RRAS2: variants seen among roughly 807,000 people sequenced by gnomAD.
RRAS2 encodes the protein RAS related 2.
Under a neutral mutation model 27.6 loss-of-function variants are expected in RRAS2, and 7 were observed. That is an observed-to-expected ratio of 0.25 (90% CI 0.14 to 0.48). The LOEUF (loss-of-function observed/expected upper bound fraction) is 0.48, where lower values mean the gene tolerates loss of function less well. Ranked by LOEUF, RRAS2 falls within the 20% of genes least tolerant of loss-of-function variation. The pLI is 0.99. For synonymous variants in RRAS2, 86 were observed against 90.9 expected, an observed-to-expected ratio of 0.95 and a Z score of 0.31; for missense variants, 178 against 256.2, an observed-to-expected ratio of 0.69 and a Z score of 2.08.
chr11:14,300,586 C>T (rs968905674), intron 1 of RRAS2, among the ~76,000 whole-genome samples: 1 of 151,940 alleles, frequency 6.6e-6, no homozygotes, highest in African/African-American at 2.4e-5. Context: ...TTTCCACCCC[C>T]GCCTCAAAAA....
intron 1 of RRAS2, among the ~76,000 whole-genome samples, chr11:14,331,035 G>A (rs1554951809): frequency 6.6e-6 from 1 of 152,160 alleles, no homozygotes; most frequent in African/African-American, 2.4e-5. Flanking sequence ...TGCTGCCTGA[G>A]ACTTCTAAAG....
chr11:14,364,460 C>T (rs1849228616), exon 1 of RRAS2: 1 of 1,486,676 alleles, frequency 6.7e-7, no homozygotes, highest in Non-Finnish European at 9.1e-7. Flanking sequence ...GAATGAATGG[C>T]TGGCAGAGAA....
chr11:14,333,164 TAC>T (rs1338776874), intron 1 of RRAS2, among the ~76,000 whole-genome samples: 1 of 152,160 alleles, frequency 6.6e-6, no homozygotes, highest in African/African-American at 2.4e-5. Context: ...TTTTATAAGC[TAC>T]ACCGATCTGC....
intron 4 of RRAS2, among the ~76,000 whole-genome samples, chr11:14,292,693 T>A (rs1847432361): frequency 6.6e-6 from 1 of 152,196 alleles, no homozygotes; most frequent in Non-Finnish European, 1.5e-5. Flanking sequence ...TGATTTGAAA[T>A]GAAGAACAAA....
At chr11:14,348,475 A>ACTAATTC (rs1848884150) in intron 1 of RRAS2, among the ~76,000 whole-genome samples, 1 of 152,254 alleles carries the variant, frequency 6.6e-6, no homozygotes, top group Non-Finnish European at 1.5e-5. Context: ...AAGGCAACTT[A>ACTAATTC]CTAATTCCAC....
At chr11:14,347,359 T>G (rs1379547297) in intron 1 of RRAS2, among the ~76,000 whole-genome samples, 1 of 152,156 alleles carries the variant, frequency 6.6e-6, no homozygotes, top group Non-Finnish European at 1.5e-5. Flanking sequence ...TTTGAAATCT[T>G]TTAAAAATAC....
At chr11:14,336,283 T>C (rs1848588122) in intron 1 of RRAS2, among the ~76,000 whole-genome samples, 1 of 151,926 alleles carries the variant, frequency 6.6e-6, no homozygotes, top group Admixed American at 6.6e-5. Context: ...AAAAGCCAGC[T>C]AACCCAGTCT....
intron 1 of RRAS2, among the ~76,000 whole-genome samples, chr11:14,340,826 C>T (rs1452062585): frequency 6.6e-6 from 1 of 152,162 alleles, no homozygotes; most frequent in Non-Finnish European, 1.5e-5. Context: ...CCTACCCCTA[C>T]CCATTTCCTC....
upstream of RRAS2, among the ~76,000 whole-genome samples, chr11:14,364,089 G>A (rs971391090): frequency 2.6e-5 from 4 of 152,034 alleles, no homozygotes; most frequent in Non-Finnish European, 4.4e-5. Context: ...ATAAAATAAA[G>A]TGACCCTGAG....
At chr11:14,293,406 G>C (rs1312154709) in intron 4 of RRAS2, among the ~76,000 whole-genome samples, 1 of 151,700 alleles carries the variant, frequency 6.6e-6, no homozygotes, top group Non-Finnish European at 1.5e-5. Flanking sequence ...TTCAGATGTG[G>C]GGTAGAGACA....
chr11:14,356,631 T>C lies in RRAS2; in HGVS notation c.108+2132A>G, dbSNP rs1407748159. The C allele has an allele frequency of 1.9e-5, 6 of 308,008 alleles. No individual in the cohort carries two copies. The East Asian group carries it at 4.7e-4, about 24-fold the overall frequency. 19.1% of individuals were successfully genotyped at this position (308,008 alleles called of 1,614,324 possible). ...TTTAAAAGACACACATGCTCAAGTC[T>C]GTAAGACTCAAGGTTCATACTCTTT... On this transcript the variant is annotated intron_variant, in intron 1 of 5. Transcript: ENST00000256196.
chr11:14,285,916 A>G (rs1253526035), intron 4 of RRAS2, among the ~76,000 whole-genome samples: 2 of 151,980 alleles, frequency 1.3e-5, no homozygotes, highest in East Asian at 1.9e-4. Flanking sequence ...AATGTATCTT[A>G]TAATTTTCTT....
At chr11:14,333,819 G>A (rs1251229204) in intron 1 of RRAS2, among the ~76,000 whole-genome samples, 1 of 152,070 alleles carries the variant, frequency 6.6e-6, no homozygotes, top group Non-Finnish European at 1.5e-5. Context: ...AAATTTTTTA[G>A]AGACGGGTTT....
At chr11:14,314,148 A>G (rs1359404795) in intron 1 of RRAS2, among the ~76,000 whole-genome samples, 1 of 152,244 alleles carries the variant, frequency 6.6e-6, no homozygotes, top group Non-Finnish European at 1.5e-5. Context: ...AAATAACCTG[A>G]TCTTAAATTG....
rs148809632 is a variant in RRAS2 at position 14,318,086 on chromosome 11, G to A, written c.109-22231C>T. 1.8e-4 allele frequency among the ~76,000 whole-genome samples: 28 copies of A among 152,300 alleles called. No individual in the cohort carries two copies. The East Asian group carries it at 5.2e-3, about 28-fold the overall frequency. ...AGGACTAAAGCTGTCCTTTATACAG[G>A]AAAAGGAAACCCTGTCTTCGCAAAA... On this transcript the variant is annotated intron_variant, in intron 1 of 5. Transcript: ENST00000256196.
chr11:14,300,276 G>A (rs953062709), intron 1 of RRAS2, among the ~76,000 whole-genome samples: 1 of 152,194 alleles, frequency 6.6e-6, no homozygotes, highest in African/African-American at 2.4e-5. Context: ...CCGGTAGTAT[G>A]GATGGGCAAA....
chr11:14,291,742 C>T (rs1399894025), intron 4 of RRAS2, among the ~76,000 whole-genome samples: 3 of 151,904 alleles, frequency 2.0e-5, no homozygotes, highest in Non-Finnish European at 4.4e-5. Flanking sequence ...CAAACAAAGC[C>T]AGTGCCACAA....
intron 1 of RRAS2, among the ~76,000 whole-genome samples, chr11:14,313,760 A>T (rs1417899700): frequency 8.5e-5 from 13 of 152,206 alleles, no homozygotes; most frequent in African/African-American, 2.9e-4. Context: ...CATGGAAATG[A>T]TTCTTCCTCA....
At chr11:14,317,010 TTAAAA>T (rs1387452707) in intron 1 of RRAS2, among the ~76,000 whole-genome samples, 9 of 152,166 alleles carry the variant, frequency 5.9e-5, no homozygotes, top group African/African-American at 1.9e-4. Flanking sequence ...TACAGAGGTG[TTAAAA>T]TAAGAAATTT....
Sources: gnomAD v4.1 joint callset for allele counts (sites outside exome capture counted in the v4.1 genomes callset) on GRCh38, gnomAD v4.1.1 for gene constraint, MANE v1.5 for transcripts, NCBI Gene and HGNC (gene_info 2026-07-23, HGNC 2026-07-21) for gene names.